PLD1: variants seen among roughly 807,000 people sequenced by gnomAD.
PLD1 encodes phospholipase D1.
In PLD1, 112 loss-of-function variants were observed where a neutral mutation model predicts 137.1. The observed-to-expected ratio is 0.82, with a 90% CI of 0.70 to 0.96. The LOEUF (loss-of-function observed/expected upper bound fraction) is 0.96, where lower values mean the gene tolerates loss of function less well. Ranked by LOEUF, PLD1 falls within the 40% of genes least tolerant of loss-of-function variation. The pLI is 0.00. For synonymous variants in PLD1, 431 were observed against 454.7 expected (o/e 0.95, Z 0.66); for missense variants, 1,321 against 1,342.0 (o/e 0.98, Z 0.24).
chr3:171,746,265 T>C (rs936899693), intron 1 of PLD1, among the ~76,000 whole-genome samples: 14 of 152,170 alleles, frequency 9.2e-5, no homozygotes, highest in African/African-American at 3.4e-4. Flanking sequence ...GAGTGCAGGC[T>C]CGCAGCGCGG....
chr3:171,639,848 C>CTCTCTCTCTATATATATATATATATATA (rs3050415), intron 23 of PLD1, among the ~76,000 whole-genome samples: 4 of 110,212 alleles, frequency 3.6e-5, no homozygotes, highest in African/African-American at 1.6e-4. Context: ...CTCTCTCTCT[C>CTCTCTCTCTATATATATATATATATATA]TATATATATA....
chr3:171,724,738 T>C lies in PLD1; in HGVS notation c.716A>G (p.Asn239Ser). ...GCAGGCTCTTCCCTGACCACAGCAA[T>C]TCAAGCCTGGTATTCTGTGTCCTCC... Reference protein sequence around the residue: ...RSGGHRIPGLNCCGQGRACYR... With the variant: ...RSGGHRIPGLSCCGQGRACYR... The change falls in exon 8 of 27, where the codon AAT becomes AGT. Residue 239 changes from asparagine (N) to serine (S), a missense_variant. Physicochemically the swap from Asn to Ser is conservative, Grantham distance 46. Coordinates refer to ENST00000351298, the MANE Select transcript of PLD1 (RefSeq NM_002662.5). 1 of 1,611,748 alleles carries C rather than the reference T, an allele frequency of 6.2e-7. No individual in the cohort carries two copies. The highest frequency in any genetic ancestry group is 8.5e-7 in the Non-Finnish European group (1 of 1,178,420).
At position 171,763,450 on chromosome 3, in the gene PLD1, AGGAGGGGAGG is replaced by A. The variant is rs1175069900; in HGVS notation, c.-31-25378_-31-25369del. On this transcript the variant is annotated intron_variant, in intron 1 of 26. Coordinates refer to ENST00000351298, the MANE Select transcript of PLD1 (RefSeq NM_002662.5). Reference sequence around the variant, plus strand: ...AAACAGAGAAGAAAAGAAGAGAAAGAGGAGGGGAGGGGAGGGGAGGGGAGGGGAGGGGAGG... The same window carrying A: ...AAACAGAGAAGAAAAGAAGAGAAAGAGGAGGGGAGGGGAGGGGAGGGGAGG... Among the ~76,000 whole-genome samples the A allele has an allele frequency of 5.3e-3, 380 of 71,826 alleles. 14 individuals are homozygous for A. The highest frequency in any genetic ancestry group is 0.017 in the African/African-American group (256 of 14,778). The allele number at this position is 71,826 out of a possible 152,430, so 47.1% of individuals were successfully genotyped here. A position where few individuals can be genotyped will look rare whatever the true frequency, so the allele number is the denominator to read the frequency against.
At chr3:171,747,206 A>G (rs1467850312) in intron 1 of PLD1, among the ~76,000 whole-genome samples, 1 of 152,158 alleles carries the variant, frequency 6.6e-6, no homozygotes, top group African/African-American at 2.4e-5. Context: ...CACTTACCAC[A>G]AGGGTCTGCG....
intron 19 of PLD1, among the ~76,000 whole-genome samples, chr3:171,673,522 C>T (rs1263696105): frequency 2.0e-5 from 3 of 152,056 alleles, no homozygotes; most frequent in African/African-American, 4.8e-5. Context: ...CCACCCGCCT[C>T]GGCCTCCCAA....
chr3:171,611,443 C>A (rs1413703270), intron 25 of PLD1: 1 of 362,124 alleles, frequency 2.8e-6, no homozygotes, highest in Non-Finnish European at 5.5e-6. Flanking sequence ...CAACAGGGGA[C>A]GTGGACAGTT....
At chr3:171,661,120 C>G (rs1178044709) in intron 20 of PLD1, among the ~76,000 whole-genome samples, 2 of 152,168 alleles carry the variant, frequency 1.3e-5, no homozygotes, top group African/African-American at 4.8e-5. Flanking sequence ...GGATACCACA[C>G]TGCATTTAGC....
intron 8 of PLD1, among the ~76,000 whole-genome samples, chr3:171,716,646 T>C (rs2108222613): frequency 6.6e-6 from 1 of 152,344 alleles, no homozygotes; most frequent in East Asian, 1.9e-4. Flanking sequence ...CTATTAGGTC[T>C]TTGTCAGAAG....
At chr3:171,687,732 T>C (rs1283617156) in intron 14 of PLD1, 148 bp from the exon 15 acceptor site, 1 of 617,878 alleles carries the variant, frequency 1.6e-6, no homozygotes, top group African/African-American at 1.8e-5. Flanking sequence ...AGCCACAGGG[T>C]AGTGGTGGAT....
rs147584637 is a variant in PLD1 at position 171,706,628 on chromosome 3, T to C, written c.1145+2127A>G. Among the ~76,000 whole-genome samples the C allele has an allele frequency of 6.1e-3, 931 of 152,332 alleles. 7 individuals are homozygous for C. The highest frequency in any genetic ancestry group is 0.021 in the African/African-American group (892 of 41,582). ...TCTATTTCTGACACATTTAACATACTGACTCCATACAGAGACTGGTAGATA... is the reference window on the plus strand; with the variant it reads ...TCTATTTCTGACACATTTAACATACCGACTCCATACAGAGACTGGTAGATA... On this transcript the variant is annotated intron_variant, in intron 11 of 26. Coordinates refer to ENST00000351298, the MANE Select transcript of PLD1 (RefSeq NM_002662.5).
intron 8 of PLD1, among the ~76,000 whole-genome samples, chr3:171,723,822 G>A (rs1341208085): frequency 6.6e-6 from 1 of 151,778 alleles, no homozygotes; most frequent in African/African-American, 2.4e-5. Context: ...CAGATTATTA[G>A]ATTTTTTTCC....
intron 16 of PLD1, among the ~76,000 whole-genome samples, chr3:171,679,203 A>G (rs557676452): frequency 2.0e-5 from 3 of 152,338 alleles, no homozygotes; most frequent in African/African-American, 7.2e-5. Context: ...TTGCAGAACA[A>G]ATGTTTTTAT....
At chr3:171,767,636 G>A (rs368729386) in intron 1 of PLD1, among the ~76,000 whole-genome samples, 3 of 152,140 alleles carry the variant, frequency 2.0e-5, no homozygotes, top group African/African-American at 7.2e-5. Context: ...CTGCCTACTA[G>A]TTGCTCTGAC....
intron 21 of PLD1, among the ~76,000 whole-genome samples, chr3:171,655,821 A>G (rs537483047): frequency 2.6e-5 from 4 of 152,210 alleles, no homozygotes; most frequent in Non-Finnish European, 5.9e-5. Flanking sequence ...GTGTGTGTGT[A>G]TCCACTGAAA....
intron 24 of PLD1, among the ~76,000 whole-genome samples, chr3:171,619,254 T>A (rs1733387582): frequency 6.6e-6 from 1 of 152,184 alleles, no homozygotes. Flanking sequence ...TTTTATATAA[T>A]ATTAATATTA....
chr3:171,645,060 A>C, intron 21 of PLD1, 37 bp from the exon 22 acceptor site: 1 of 1,350,384 alleles, frequency 7.4e-7, no homozygotes, highest in Non-Finnish European at 1.1e-6. Context: ...CACCCAAAAA[A>C]TAAAAGGTAG....
Position 171,603,268 on chromosome 3 carries a change from T to C in PLD1, c.3035A>G (p.Asn1012Ser). Residue 1012 changes from asparagine to serine, a missense_variant, in exon 27 of 27, where the codon AAT becomes AGT. By Grantham distance (46) the Asn-to-Ser change is conservative. Coordinates refer to ENST00000351298, the MANE Select transcript of PLD1 (RefSeq NM_002662.5). ...TATAAAGTCTCTCAGCTGAATTAAA[T>C]TGTGTACTTCATCATTGGGAAGGCA... ...FRCLPNDEVH[N>S]LIQLRDFINK... 3 of 1,614,048 alleles carry C rather than the reference T, an allele frequency of 1.9e-6. No homozygotes were observed. The highest frequency in any genetic ancestry group is 2.5e-6 in the Non-Finnish European group (3 of 1,179,950).
At chr3:171,704,458 GA>G (rs34861885) in intron 11 of PLD1, among the ~76,000 whole-genome samples, 1,977 of 95,218 alleles carry the variant, frequency 0.021, 23 homozygotes, top group Middle Eastern at 0.087. Flanking sequence ...AAAGAACCAG[GA>G]AAAAAAAAAA....
At chr3:171,649,531 G>C (rs768908981) in intron 21 of PLD1, among the ~76,000 whole-genome samples, 13 of 152,176 alleles carry the variant, frequency 8.5e-5, no homozygotes, top group Non-Finnish European at 1.8e-4. Flanking sequence ...ACGTCCTTCG[G>C]AAATACTGAA....
Sources: allele counts gnomAD v4.1 joint callset (sites outside exome capture counted in the v4.1 genomes callset), GRCh38; gene constraint gnomAD v4.1.1; transcripts MANE v1.5; gene names NCBI Gene and HGNC (gene_info 2026-07-23, HGNC 2026-07-21).